The following KIF16B variants were observed in gnomAD, a reference collection of about 807,000 sequenced individuals.
KIF16B encodes kinesin-like protein KIF16B.
Under a neutral mutation model 156.3 loss-of-function variants are expected in KIF16B, and 98 were observed. The observed-to-expected ratio is 0.63, with a 90% CI of 0.53 to 0.74. The LOEUF (loss-of-function observed/expected upper bound fraction) is 0.74, where lower values mean the gene tolerates loss of function less well. Ranked by LOEUF, KIF16B falls within the 30% of genes least tolerant of loss-of-function variation. The pLI is 0.00. For synonymous variants in KIF16B, 564 were observed against 583.7 expected, an observed-to-expected ratio of 0.97 and a Z score of 0.49; for missense variants, 1,421 against 1,606.5, an observed-to-expected ratio of 0.88 and a Z score of 1.97.
chr20:16,405,116 C>T (rs928652557), intron 16 of KIF16B, among the ~76,000 whole-genome samples: 5 of 152,140 alleles, frequency 3.3e-5, no homozygotes, highest in Non-Finnish European at 5.9e-5. Context: ...ACAGCAGGAC[C>T]TTGGCCTTCT....
At chr20:16,282,222 G>A (rs2063157576) in intron 25 of KIF16B, among the ~76,000 whole-genome samples, 1 of 151,720 alleles carries the variant, frequency 6.6e-6, no homozygotes, top group South Asian at 2.1e-4. Flanking sequence ...TAGTAGAGAT[G>A]GGGTTTCACC....
intron 10 of KIF16B, among the ~76,000 whole-genome samples, chr20:16,501,218 T>C (rs1323508347): frequency 1.3e-5 from 2 of 152,038 alleles, no homozygotes; most frequent in African/African-American, 4.8e-5. Flanking sequence ...AGCACTTTTA[T>C]ACACTGATGG....
At chr20:16,274,325 G>C (rs944587419) in intron 25 of KIF16B, among the ~76,000 whole-genome samples, 5 of 152,162 alleles carry the variant, frequency 3.3e-5, no homozygotes, top group Admixed American at 6.5e-5. Context: ...CTGCATGTTT[G>C]TTGCAACATT....
At chr20:16,397,812 G>A (rs1490300455) in intron 17 of KIF16B, among the ~76,000 whole-genome samples, 1 of 152,230 alleles carries the variant, frequency 6.6e-6, no homozygotes, top group Non-Finnish European at 1.5e-5. Flanking sequence ...CAAGTAATGT[G>A]GAGATAGAAA....
chr20:16,288,737 GATAA>G (rs1412766880), intron 25 of KIF16B, among the ~76,000 whole-genome samples: 19 of 151,012 alleles, frequency 1.3e-4, no homozygotes, highest in Middle Eastern at 6.8e-3. Flanking sequence ...ATGTACTGAT[GATAA>G]GGTTATTGGG....
chr20:16,390,551 G>A (rs1023112310), intron 17 of KIF16B, among the ~76,000 whole-genome samples: 11 of 152,094 alleles, frequency 7.2e-5, no homozygotes, highest in African/African-American at 1.4e-4. Flanking sequence ...GAGTGTGAGA[G>A]AGAGGGCCCA....
intron 25 of KIF16B, among the ~76,000 whole-genome samples, chr20:16,286,889 G>A (rs1601493434): frequency 6.6e-6 from 1 of 152,218 alleles, no homozygotes; most frequent in Admixed American, 6.5e-5. Context: ...TTAGCCAATA[G>A]AATGCACTGG....
chr20:16,362,705 A>G lies in KIF16B; in HGVS notation c.3499-6253T>C, dbSNP rs531555853. Among the ~76,000 whole-genome samples, 5 of 152,304 alleles carry G rather than the reference A, an allele frequency of 3.3e-5. No individual in the cohort carries two copies. In the South Asian group the frequency reaches 1.0e-3, roughly 32 times the overall value. On this transcript the variant is annotated intron_variant, in intron 22 of 25. Transcript: ENST00000354981. Reference sequence around the variant, plus strand: ...ATTCTCAACCTAGTAATCCTTTTTGAGTCTAAATTTCCAAATCTGAAATGG... The same window carrying G: ...ATTCTCAACCTAGTAATCCTTTTTGGGTCTAAATTTCCAAATCTGAAATGG...
rs1555877397 is a variant in KIF16B, at chr20:16,409,967, A to ATATATATATATATGTAGG, written c.1613-3512_1613-3511insCCTACATATATATATATA. Among the ~76,000 whole-genome samples the ATATATATATATATGTAGG allele has an allele frequency of 5.3e-4, 16 of 30,118 alleles. 1 individual carries two copies. Among genetic ancestry groups the ATATATATATATATGTAGG allele is most frequent in the African/African-American group, 5.9e-4 (4 of 6,766 alleles). 19.8% of individuals were successfully genotyped at this position (30,118 alleles called of 152,430 possible). A position where few individuals can be genotyped will look rare whatever the true frequency, so the allele number is the denominator to read the frequency against. On this transcript the variant is annotated intron_variant, in intron 15 of 25. Transcript: ENST00000354981. ...TACCTACATATATATATATATATAT[A>ATATATATATATATGTAGG]TACATATATATATATATATATATAT...
At chr20:16,385,178 CAA>C (rs2065199287) in intron 17 of KIF16B, among the ~76,000 whole-genome samples, 2 of 146,218 alleles carry the variant, frequency 1.4e-5, no homozygotes, top group Admixed American at 1.4e-4. Flanking sequence ...GACTGGGGGA[CAA>C]GAGCGTAACT....
At chr20:16,470,835 A>C (rs2067643586) in intron 12 of KIF16B, among the ~76,000 whole-genome samples, 1 of 144,270 alleles carries the variant, frequency 6.9e-6, no homozygotes. Flanking sequence ...TGTTCTAAAA[A>C]TAAGATTGAT....
At chr20:16,566,992 C>G (rs1480346430) in intron 1 of KIF16B, among the ~76,000 whole-genome samples, 1 of 152,166 alleles carries the variant, frequency 6.6e-6, no homozygotes, top group Non-Finnish European at 1.5e-5. Context: ...CTAATTCTTA[C>G]AAAATCTTCA....
chr20:16,359,049 A>G (rs2064499712), intron 22 of KIF16B, among the ~76,000 whole-genome samples: 1 of 152,200 alleles, frequency 6.6e-6, no homozygotes, highest in Admixed American at 6.5e-5. Context: ...TCTACTCTAG[A>G]TGGATTATAT....
At chr20:16,407,725 G>A (rs576720801) in intron 15 of KIF16B, among the ~76,000 whole-genome samples, 22 of 152,128 alleles carry the variant, frequency 1.4e-4, no homozygotes, top group African/African-American at 1.9e-4. Flanking sequence ...TGTGAAGACC[G>A]GAGAACAAGT....
chr20:16,561,025 C>T (rs2071038456), intron 1 of KIF16B, among the ~76,000 whole-genome samples: 4 of 152,008 alleles, frequency 2.6e-5, no homozygotes, highest in Admixed American at 2.6e-4. Flanking sequence ...CGCAGTGGCT[C>T]ATGCCTGTAA....
At chr20:16,312,868 G>A (rs1052486717) in intron 24 of KIF16B, among the ~76,000 whole-genome samples, 2 of 145,038 alleles carry the variant, frequency 1.4e-5, no homozygotes, top group East Asian at 2.1e-4. Flanking sequence ...TTATAAAATC[G>A]TTTTCAGACT....
chr20:16,302,986 T>C (rs921751728), intron 25 of KIF16B, among the ~76,000 whole-genome samples: 2 of 152,198 alleles, frequency 1.3e-5, no homozygotes, highest in Non-Finnish European at 2.9e-5. Context: ...CCAATCAGTA[T>C]ATATTTTTTC....
At chr20:16,506,322 A>G (rs2068777452) in intron 7 of KIF16B, 132 bp from the exon 8 acceptor site, 1 of 723,150 alleles carries the variant, frequency 1.4e-6, no homozygotes, top group Admixed American at 2.6e-5. Flanking sequence ...TTATTGTTTT[A>G]CTGGCCTTCC....
At chr20:16,504,737 T>A (rs1327049715) in intron 9 of KIF16B, among the ~76,000 whole-genome samples, 190 bp from the exon 10 acceptor site, 2 of 152,000 alleles carry the variant, frequency 1.3e-5, no homozygotes, top group Non-Finnish European at 2.9e-5. Context: ...CAAAATTAAG[T>A]GTCATTTTGC....
Sources: allele counts gnomAD v4.1 joint callset (sites outside exome capture counted in the v4.1 genomes callset), GRCh38; gene constraint gnomAD v4.1.1; transcripts MANE v1.5; gene names NCBI Gene and HGNC (gene_info 2026-07-23, HGNC 2026-07-21).